CCSER1: variants seen among roughly 807,000 people sequenced by gnomAD.
The protein encoded by CCSER1 is coiled-coil serine rich protein 1.
CCSER1 carries 41 observed loss-of-function variants against 82.0 expected under a neutral mutation model. The observed-to-expected ratio is 0.50, with a 90% CI of 0.39 to 0.65. CCSER1 has a LOEUF of 0.65. CCSER1 is among the 30% of genes least tolerant of loss of function. The pLI, the probability that CCSER1 is intolerant of heterozygous loss-of-function variation, is 0.00. For synonymous variants in CCSER1, 414 were observed against 383.9 expected (o/e 1.08, Z -0.92); for missense variants, 1,119 against 1,064.2 (o/e 1.05, Z -0.72).
chr4:91,333,702 A>G (rs1431536692), intron 10 of CCSER1, among the ~76,000 whole-genome samples: 1 of 152,106 alleles, frequency 6.6e-6, no homozygotes, highest in Non-Finnish European at 1.5e-5. Context: ...CTGTTTTCAT[A>G]ATTAAAAAAT....
At chr4:90,427,248 A>G (rs2153564387) in intron 4 of CCSER1, among the ~76,000 whole-genome samples, 1 of 152,026 alleles carries the variant, frequency 6.6e-6, no homozygotes, top group South Asian at 2.1e-4. Context: ...TCGGACAAAA[A>G]TTATTAAATT....
chr4:91,331,731 G>A (rs1746971027), intron 10 of CCSER1, among the ~76,000 whole-genome samples: 1 of 152,018 alleles, frequency 6.6e-6, no homozygotes, highest in African/African-American at 2.4e-5. Context: ...TAAATACAGT[G>A]CCCCACCCAC....
At chr4:90,410,683 A>T (rs561549220) in intron 4 of CCSER1, among the ~76,000 whole-genome samples, 160 of 152,338 alleles carry the variant, frequency 1.1e-3, no homozygotes, top group African/African-American at 3.3e-3. Context: ...AGCAGGAAAT[A>T]TCTAAAATTG....
chr4:91,276,039 C>T (rs531931071), intron 10 of CCSER1, among the ~76,000 whole-genome samples: 1 of 152,106 alleles, frequency 6.6e-6, no homozygotes, highest in African/African-American at 2.4e-5. Context: ...GTACCAATAC[C>T]ATTCTATTGT....
At chr4:90,849,136 A>C (rs994537747) in intron 8 of CCSER1, among the ~76,000 whole-genome samples, 1 of 152,220 alleles carries the variant, frequency 6.6e-6, no homozygotes, top group African/African-American at 2.4e-5. Context: ...ACTGGGTAAC[A>C]GGCAGAGGTA....
intron 8 of CCSER1, among the ~76,000 whole-genome samples, chr4:90,884,961 T>A (rs1721902803): frequency 6.6e-6 from 1 of 152,192 alleles, no homozygotes; most frequent in African/African-American, 2.4e-5. Flanking sequence ...TGTATGATCT[T>A]TGTCCTTTAA....
At chr4:90,713,894 T>C (rs1741121499) in intron 6 of CCSER1, among the ~76,000 whole-genome samples, 1 of 152,060 alleles carries the variant, frequency 6.6e-6, no homozygotes, top group South Asian at 2.1e-4. Flanking sequence ...AAAAAGATAG[T>C]GTTCAAGCTC....
At chr4:90,170,870 T>C (rs929453419) in intron 1 of CCSER1, among the ~76,000 whole-genome samples, 3 of 152,052 alleles carry the variant, frequency 2.0e-5, no homozygotes, top group Middle Eastern at 3.4e-3. Context: ...TCCTTTCTTC[T>C]GAGTATGTAG....
chr4:90,651,079 A>T (rs1324392254), intron 6 of CCSER1, among the ~76,000 whole-genome samples: 3 of 152,198 alleles, frequency 2.0e-5, no homozygotes, highest in Non-Finnish European at 4.4e-5. Context: ...AAGGCTAATT[A>T]CTACAGATAG....
intron 7 of CCSER1, among the ~76,000 whole-genome samples, chr4:90,741,723 C>T (rs1027762409): frequency 6.6e-6 from 1 of 152,042 alleles, no homozygotes; most frequent in Non-Finnish European, 1.5e-5. Flanking sequence ...AGTGTGAACA[C>T]GTTTTTTAAA....
chr4:90,858,065 C>T (rs1226685914), intron 8 of CCSER1, among the ~76,000 whole-genome samples: 3 of 151,996 alleles, frequency 2.0e-5, no homozygotes, highest in African/African-American at 7.2e-5. Context: ...TTTCCCACAT[C>T]TAAATGCAGT....
At chr4:91,208,695 T>C (rs1736548398) in intron 10 of CCSER1, among the ~76,000 whole-genome samples, 1 of 151,988 alleles carries the variant, frequency 6.6e-6, no homozygotes, top group Non-Finnish European at 1.5e-5. Flanking sequence ...GTTCCTTAGC[T>C]ATTCAGGCTC....
intron 10 of CCSER1, among the ~76,000 whole-genome samples, chr4:91,144,564 A>G (rs1215641774): frequency 6.7e-6 from 1 of 148,594 alleles, no homozygotes; most frequent in African/African-American, 2.5e-5. Context: ...TCTTAATTTG[A>G]CATCTTTCTA....
intron 10 of CCSER1, among the ~76,000 whole-genome samples, chr4:91,432,480 A>C (rs1400077405): frequency 6.6e-6 from 1 of 152,192 alleles, no homozygotes; most frequent in African/African-American, 2.4e-5. Flanking sequence ...CGTTTTCTGT[A>C]TCAGGCTTAA....
chr4:90,604,909 C>T (rs1396971591), intron 5 of CCSER1, among the ~76,000 whole-genome samples: 2 of 152,186 alleles, frequency 1.3e-5, no homozygotes, highest in African/African-American at 2.4e-5. Flanking sequence ...AATCAGCTCT[C>T]TGTAAAATGG....
At chr4:90,464,032 T>C (rs1763308933) in intron 4 of CCSER1, among the ~76,000 whole-genome samples, 2 of 152,206 alleles carry the variant, frequency 1.3e-5, no homozygotes, top group African/African-American at 4.8e-5. Flanking sequence ...TGTTTAAATT[T>C]GGCATCTCAG....
At chr4:90,424,069 T>C (rs1004160112) in intron 4 of CCSER1, among the ~76,000 whole-genome samples, 2 of 150,308 alleles carry the variant, frequency 1.3e-5, no homozygotes, top group East Asian at 2.0e-4. Flanking sequence ...CCAGCCTGGG[T>C]GACAGAGCAA....
intron 10 of CCSER1, among the ~76,000 whole-genome samples, chr4:91,182,424 T>C (rs1276746604): frequency 6.6e-6 from 1 of 152,222 alleles, no homozygotes; most frequent in African/African-American, 2.4e-5. Context: ...TGATAACATC[T>C]GGCCTTTGGG....
intron 10 of CCSER1, among the ~76,000 whole-genome samples, chr4:91,193,722 A>G (rs1220459857): frequency 6.6e-6 from 1 of 152,094 alleles, no homozygotes; most frequent in Non-Finnish European, 1.5e-5. Context: ...TTTAAACTCT[A>G]TGTCATTCTT....
Sources: gnomAD v4.1 joint callset for allele counts (sites outside exome capture counted in the v4.1 genomes callset) on GRCh38, gnomAD v4.1.1 for gene constraint, MANE v1.5 for transcripts, NCBI Gene and HGNC (gene_info 2026-07-23, HGNC 2026-07-21) for gene names.